MCU: variants seen among roughly 807,000 people sequenced by gnomAD.
The protein encoded by MCU is calcium uniporter protein, mitochondrial.
Under a neutral mutation model 45.2 loss-of-function variants are expected in MCU, and 12 were observed. The ratio of observed to expected loss-of-function variants is 0.27; its 90% CI spans 0.17 to 0.43. The LOEUF is 0.43. Among genes scored for constraint, MCU ranks in the 20% least tolerant of loss-of-function variants. The pLI is 1.00. For synonymous variants in MCU, 160 were observed against 165.1 expected (o/e 0.97, Z 0.24); for missense variants, 324 against 436.7 (o/e 0.74, Z 2.30).
chr10:72,692,862 T>TA, intron 1 of MCU: 1 of 1,436,426 alleles, frequency 7.0e-7, no homozygotes, highest in East Asian at 2.5e-5. Flanking sequence ...AATCAAACTT[T>TA]ATTCCCCTCT....
intron 1 of MCU, among the ~76,000 whole-genome samples, chr10:72,833,295 A>G (rs1844906818): frequency 6.6e-6 from 1 of 152,246 alleles, no homozygotes; most frequent in Admixed American, 6.5e-5. Context: ...GTAATTCCTA[A>G]TGAATCAAAG....
At chr10:72,757,860 A>G (rs748168307) in intron 1 of MCU, among the ~76,000 whole-genome samples, 1 of 152,272 alleles carries the variant, frequency 6.6e-6, no homozygotes, top group Non-Finnish European at 1.5e-5. Flanking sequence ...GCAGGTGTAT[A>G]TTCACGTGTG....
At chr10:72,810,910 G>C (rs1169097196) in intron 1 of MCU, among the ~76,000 whole-genome samples, 4 of 152,132 alleles carry the variant, frequency 2.6e-5, no homozygotes, top group African/African-American at 7.2e-5. Context: ...AAACCAAAAT[G>C]CCAGAGAACA....
intron 1 of MCU, among the ~76,000 whole-genome samples, chr10:72,738,784 G>C (rs779786304): frequency 2.6e-5 from 4 of 152,174 alleles, no homozygotes; most frequent in Non-Finnish European, 5.9e-5. Context: ...AGCCTTCCAG[G>C]CTATTTTTTT....
chr10:72,748,541 G>A, intron 1 of MCU, among the ~76,000 whole-genome samples: 1 of 152,098 alleles, frequency 6.6e-6, no homozygotes, highest in Non-Finnish European at 1.5e-5. Context: ...TAATGGCTGG[G>A]CGAGGTGGCT....
chr10:72,816,810 T>C (rs1211987972), intron 1 of MCU, among the ~76,000 whole-genome samples: 3 of 152,154 alleles, frequency 2.0e-5, no homozygotes, highest in African/African-American at 7.2e-5. Context: ...CAGACCTTCA[T>C]TACAAAAGAA....
intron 1 of MCU, among the ~76,000 whole-genome samples, chr10:72,772,343 G>T (rs1843822933): frequency 6.6e-6 from 1 of 152,218 alleles, no homozygotes; most frequent in Non-Finnish European, 1.5e-5. Context: ...TCATTTCCTA[G>T]AGCTGAAAAG....
At chr10:72,868,027 TAATC>T (rs1262669638) in intron 4 of MCU, among the ~76,000 whole-genome samples, 1 of 152,132 alleles carries the variant, frequency 6.6e-6, no homozygotes, top group Admixed American at 6.5e-5. Flanking sequence ...ATAAGCATAA[TAATC>T]AAATTGATTC....
chr10:72,873,688 T>C (rs1419734440), intron 6 of MCU, among the ~76,000 whole-genome samples: 1 of 152,206 alleles, frequency 6.6e-6, no homozygotes, highest in Admixed American at 6.5e-5. Flanking sequence ...CCCAGACCAA[T>C]GTCTGGAAGG....
chr10:72,814,691 T>G (rs1482580193), intron 1 of MCU, among the ~76,000 whole-genome samples: 1 of 152,234 alleles, frequency 6.6e-6, no homozygotes, highest in East Asian at 1.9e-4. Flanking sequence ...AGGAGGTTGC[T>G]GAACCTCTTC....
intron 1 of MCU, among the ~76,000 whole-genome samples, chr10:72,701,107 T>C (rs1260646309): frequency 3.3e-5 from 5 of 152,344 alleles, no homozygotes; most frequent in African/African-American, 1.2e-4. Context: ...ACTGTATTAA[T>C]ATCTGCTTTA....
At chr10:72,719,975 G>C (rs967205068) in intron 1 of MCU, among the ~76,000 whole-genome samples, 1 of 152,152 alleles carries the variant, frequency 6.6e-6, no homozygotes, top group Non-Finnish European at 1.5e-5. Flanking sequence ...GGCCTCAAGT[G>C]ACCCTCCCAC....
intron 1 of MCU, among the ~76,000 whole-genome samples, chr10:72,778,532 C>G (rs531860933): frequency 5.6e-4 from 85 of 151,798 alleles, no homozygotes; most frequent in African/African-American, 2.0e-3. Flanking sequence ...TGGTTGGAGC[C>G]GGGGGGTGGG....
Position 72,782,787 on chromosome 10 carries a change from A to G in MCU, c.151-51572A>G, listed in dbSNP as rs554790935. Among the ~76,000 whole-genome samples the G allele has an allele frequency of 3.3e-5, 5 of 152,322 alleles. No individual in the cohort carries two copies. The South Asian group carries it at 1.0e-3, about 32-fold the overall frequency. On this transcript the variant is annotated intron_variant, in intron 1 of 7. Coordinates refer to ENST00000373053, the MANE Select transcript of MCU (RefSeq NM_138357.3). ...AGTTCCTCTCACTAGTTTCTTGCATATAGGGCTTATGTATTATTCGTATCT... is the reference window on the plus strand; with the variant it reads ...AGTTCCTCTCACTAGTTTCTTGCATGTAGGGCTTATGTATTATTCGTATCT...
chr10:72,839,747 A>G (rs1332427368), intron 2 of MCU, among the ~76,000 whole-genome samples: 4 of 150,902 alleles, frequency 2.7e-5, no homozygotes, highest in Non-Finnish European at 5.9e-5. Flanking sequence ...AGGTCAGGAG[A>G]TCGAGACTGT....
chr10:72,869,154 GC>G (rs1267702945), intron 5 of MCU, among the ~76,000 whole-genome samples: 3 of 152,206 alleles, frequency 2.0e-5, no homozygotes, highest in African/African-American at 7.2e-5. Context: ...ATCAGGAAAG[GC>G]TCTTGAGTAT....
intron 1 of MCU, among the ~76,000 whole-genome samples, chr10:72,765,786 CAAAAA>C (rs36071651): frequency 1.6e-5 from 1 of 63,222 alleles, no homozygotes. Context: ...GACGCTGTCT[CAAAAA>C]AAAAAAAAAA....
intron 4 of MCU, among the ~76,000 whole-genome samples, chr10:72,861,437 G>GT (rs936008477): frequency 5.8e-4 from 85 of 145,784 alleles, no homozygotes; most frequent in Non-Finnish European, 6.5e-4. Context: ...TTTTGTTTGG[G>GT]TTTTTTTTTT....
chr10:72,707,647 G>GTGTGTGTGTGTGTA (rs71021526), intron 1 of MCU, among the ~76,000 whole-genome samples: 1,892 of 146,956 alleles, frequency 0.013, 105 homozygotes, highest in African/African-American at 0.045. Context: ...GTGTGTGTGT[G>GTGTGTGTGTGTGTA]TTTCCCACCA....
Sources: gnomAD v4.1 joint callset for allele counts (sites outside exome capture counted in the v4.1 genomes callset) on GRCh38, gnomAD v4.1.1 for gene constraint, MANE v1.5 for transcripts, NCBI Gene and HGNC (gene_info 2026-07-23, HGNC 2026-07-21) for gene names.